The following NRCAM variants were observed in gnomAD, a reference collection of about 807,000 sequenced individuals.
NRCAM encodes the protein NgCAM-related cell adhesion molecule.
NRCAM carries 83 observed loss-of-function variants against 156.5 expected under a neutral mutation model. That is an observed-to-expected ratio of 0.53 (90% CI 0.44 to 0.64). The LOEUF is 0.64. NRCAM is among the 30% of genes least tolerant of loss of function. NRCAM has a pLI of 0.00. For missense variants in NRCAM, 1,417 were observed against 1,597.3 expected (o/e 0.89, Z 1.92); for synonymous variants, 538 against 563.9 (o/e 0.95, Z 0.65).
At chr7:108,436,185 C>G (rs1455279672) in intron 1 of NRCAM, among the ~76,000 whole-genome samples, 1 of 152,030 alleles carries the variant, frequency 6.6e-6, no homozygotes, top group African/African-American at 2.4e-5. Context: ...CGTATACCAC[C>G]CTTCCTCTCT....
At chr7:108,183,180 G>A (rs979597310) in intron 22 of NRCAM, among the ~76,000 whole-genome samples, 1 of 152,132 alleles carries the variant, frequency 6.6e-6, no homozygotes, top group African/African-American at 2.4e-5. Flanking sequence ...TTCAAACTCT[G>A]GCTCTACCGT....
At chr7:108,381,505 T>C (rs2099700747) in intron 2 of NRCAM, among the ~76,000 whole-genome samples, 1 of 152,040 alleles carries the variant, frequency 6.6e-6, no homozygotes, top group African/African-American at 2.4e-5. Flanking sequence ...TGTTAAGGGC[T>C]AGTAAAGAGT....
chr7:108,233,140 T>C (rs2094518762), intron 6 of NRCAM, among the ~76,000 whole-genome samples: 1 of 152,174 alleles, frequency 6.6e-6, no homozygotes, highest in Non-Finnish European at 1.5e-5. Flanking sequence ...GTATGCCCAA[T>C]TGTCAACTGA....
intron 2 of NRCAM, among the ~76,000 whole-genome samples, chr7:108,350,927 T>C (rs2099407892): frequency 6.6e-6 from 1 of 152,194 alleles, no homozygotes; most frequent in Non-Finnish European, 1.5e-5. Flanking sequence ...TATACACAAG[T>C]TTGTCTGTTT....
intron 3 of NRCAM, among the ~76,000 whole-genome samples, chr7:108,284,155 G>A (rs143597536): frequency 1.6e-3 from 250 of 152,178 alleles, no homozygotes; most frequent in African/African-American, 5.6e-3. Flanking sequence ...TTTCTTAAAT[G>A]TCTCTTGTCC....
chr7:108,295,443 T>G (rs534160285), intron 3 of NRCAM, among the ~76,000 whole-genome samples: 1 of 152,346 alleles, frequency 6.6e-6, no homozygotes. Flanking sequence ...AGATTCCATG[T>G]CTGATGAAGA....
intron 12 of NRCAM, among the ~76,000 whole-genome samples, chr7:108,208,717 C>T (rs573623179): frequency 6.6e-5 from 10 of 152,218 alleles, no homozygotes; most frequent in South Asian, 6.2e-4. Context: ...GACTGTCTTA[C>T]GGCTTAGGTT....
At chr7:108,168,837 T>G (rs925029804) in intron 28 of NRCAM, among the ~76,000 whole-genome samples, 33 of 152,220 alleles carry the variant, frequency 2.2e-4, no homozygotes, top group Non-Finnish European at 4.3e-4. Flanking sequence ...ATTTGTCATC[T>G]CAATGCAGGT....
At chr7:108,420,868 T>G (rs977704281) in intron 1 of NRCAM, among the ~76,000 whole-genome samples, 1 of 152,184 alleles carries the variant, frequency 6.6e-6, no homozygotes, top group Admixed American at 6.6e-5. Flanking sequence ...ATCTTGTGTG[T>G]GAGAGAGAGA....
intron 31 of NRCAM, among the ~76,000 whole-genome samples, chr7:108,159,763 G>T (rs954856115): frequency 6.6e-6 from 1 of 152,110 alleles, no homozygotes; most frequent in Admixed American, 6.5e-5. Context: ...AAGTTGACTA[G>T]TTTCTCACCT....
intron 1 of NRCAM, among the ~76,000 whole-genome samples, chr7:108,441,949 T>C (rs182405841): frequency 6.6e-6 from 1 of 152,364 alleles, no homozygotes; most frequent in Admixed American, 6.5e-5. Context: ...GAAGATTAAA[T>C]GTGATCATTC....
At chr7:108,386,841 T>C (rs185254371) in intron 2 of NRCAM, among the ~76,000 whole-genome samples, 11 of 152,296 alleles carry the variant, frequency 7.2e-5, no homozygotes, top group African/African-American at 2.6e-4. Flanking sequence ...GGAGGTATCA[T>C]TTCTGAAATC....
chr7:108,449,098 T>C (rs1563860109), intron 1 of NRCAM, among the ~76,000 whole-genome samples: 1 of 152,208 alleles, frequency 6.6e-6, no homozygotes, highest in Non-Finnish European at 1.5e-5. Context: ...TAATGCAGCG[T>C]ACAGCAGCAA....
chr7:108,429,984 G>A (rs1226418722), intron 1 of NRCAM, among the ~76,000 whole-genome samples: 1 of 152,156 alleles, frequency 6.6e-6, no homozygotes, highest in African/African-American at 2.4e-5. Flanking sequence ...CAGACCTAGG[G>A]AAAGAAGGTT....
At chr7:108,407,978 A>T (rs538795374) in intron 1 of NRCAM, among the ~76,000 whole-genome samples, 4 of 152,332 alleles carry the variant, frequency 2.6e-5, no homozygotes, top group Non-Finnish European at 5.9e-5. Context: ...GAAGCCAAGA[A>T]CTATTAATCT....
chr7:108,241,376 C>T (rs2095516544), intron 3 of NRCAM, among the ~76,000 whole-genome samples: 2 of 152,138 alleles, frequency 1.3e-5, no homozygotes, highest in Admixed American at 1.3e-4. Flanking sequence ...CAGTAAACTC[C>T]TACCTGAAAT....
intron 2 of NRCAM, among the ~76,000 whole-genome samples, chr7:108,374,553 C>T (rs907841770): frequency 2.0e-5 from 3 of 151,992 alleles, no homozygotes; most frequent in African/African-American, 4.8e-5. Flanking sequence ...CTCATTTCTG[C>T]GTTTTCTCAA....
intron 3 of NRCAM, among the ~76,000 whole-genome samples, chr7:108,268,261 A>G (rs1459674161): frequency 6.6e-6 from 1 of 152,212 alleles, no homozygotes; most frequent in Non-Finnish European, 1.5e-5. Context: ...ATGCTAACAG[A>G]AAGCTGTTGA....
rs760666498 is a variant in NRCAM at position 108,191,873 on chromosome 7, A to T, written c.1779-20T>A. On this transcript the variant is annotated intron_variant, in intron 17 of 32. Coordinates refer to ENST00000379028, the MANE Select transcript of NRCAM (RefSeq NM_001037132.4). ...GTGAACCTGTGGATAGAATGCATTC[A>T]GAGCAGCTGAAATGGACATGCAGCC... The T allele has an allele frequency of 4.6e-5, 74 of 1,608,442 alleles. 2 individuals carry two copies. The highest frequency in any genetic ancestry group is 3.0e-4 in the South Asian group (27 of 90,766).
Sources: gnomAD v4.1 joint callset for allele counts (sites outside exome capture counted in the v4.1 genomes callset) on GRCh38, gnomAD v4.1.1 for gene constraint, MANE v1.5 for transcripts, NCBI Gene and HGNC (gene_info 2026-07-23, HGNC 2026-07-21) for gene names.